The following RASAL2 variants were observed in gnomAD, a reference collection of about 807,000 sequenced individuals.
The protein encoded by RASAL2 is ras GTPase-activating protein nGAP.
In RASAL2, 58 loss-of-function variants were observed where a neutral mutation model predicts 128.9. The observed-to-expected ratio is 0.45, with a 90% CI of 0.36 to 0.56. RASAL2 has a LOEUF of 0.56. RASAL2 is among the 20% of genes least tolerant of loss of function. The pLI, the probability that RASAL2 is intolerant of heterozygous loss-of-function variation, is 0.00. For synonymous variants in RASAL2, 561 were observed against 580.8 expected, an observed-to-expected ratio of 0.97 and a Z score of 0.49; for missense variants, 1,360 against 1,601.6, an observed-to-expected ratio of 0.85 and a Z score of 2.57.
intron 6 of RASAL2, 106 bp from the exon 7 acceptor site, chr1:178,441,443 C>A: frequency 1.4e-6 from 1 of 724,342 alleles, no homozygotes; most frequent in Non-Finnish European, 2.4e-6. Context: ...AATTCCAGGA[C>A]ATTTCGACCT....
At chr1:178,472,653 C>T (rs1648380542) in intron 17 of RASAL2, among the ~76,000 whole-genome samples, 1 of 152,202 alleles carries the variant, frequency 6.6e-6, no homozygotes, top group Admixed American at 6.5e-5. Context: ...CCATAGATCA[C>T]ATGCTCTTCT....
chr1:178,270,650 A>G (rs1340094575), intron 1 of RASAL2, among the ~76,000 whole-genome samples: 1 of 120,354 alleles, frequency 8.3e-6, no homozygotes, highest in South Asian at 2.5e-4. Flanking sequence ...TTATGTCTAT[A>G]TTCTTCTGCT....
intron 1 of RASAL2, among the ~76,000 whole-genome samples, chr1:178,122,605 A>T (rs1239443978): frequency 1.3e-5 from 2 of 152,218 alleles, no homozygotes; most frequent in Non-Finnish European, 2.9e-5. Context: ...TCATGAACTG[A>T]CTGTACTATT....
rs771396519 is a variant in RASAL2 at position 178,452,604 on chromosome 1, C to T, written c.1961C>T (p.Thr654Ile). 3.1e-6 allele frequency: 5 copies of T among 1,613,926 alleles called. No individual in the cohort carries two copies. The highest frequency in any genetic ancestry group is 3.3e-5 in the Admixed American group (2 of 59,998). The change falls in exon 11 of 18, where the codon ACT becomes ATT. Residue 654 changes from threonine (T) to isoleucine (I), a missense_variant. Coordinates refer to ENST00000367649, the MANE Select transcript of RASAL2 (RefSeq NM_170692.4). ...TATCCTGATGACCGCACATCTCGGA[C>T]TCTAACTCTTATTGCCAAGGTCATT... ...QEYPDDRTSRTLTLIAKVIQN... is the reference protein window; with the variant it reads ...QEYPDDRTSRILTLIAKVIQN...
At chr1:178,372,470 T>G in intron 3 of RASAL2, 1 of 589,118 alleles carries the variant, frequency 1.7e-6, no homozygotes, top group Non-Finnish European at 2.1e-6. Flanking sequence ...CGTTTGCTTT[T>G]CAAATTTTGT....
In RASAL2 at chr1:178,224,788, A is replaced by C. The variant is rs1310700427; in HGVS notation, c.203-58776A>C. Among the ~76,000 whole-genome samples the C allele has an allele frequency of 2.0e-5, 3 of 152,292 alleles. No individual in the cohort carries two copies. The South Asian group carries it at 6.2e-4, about 32-fold the overall frequency. ...ATAAAATAGGAAGTGACAACAGACT[A>C]TGTCTAAGCTGAGAAAGCTCATGTT... On this transcript the variant is annotated intron_variant, in intron 1 of 17. Transcript: ENST00000367649.
At chr1:178,435,984 A>G (rs1411428644) in intron 5 of RASAL2, among the ~76,000 whole-genome samples, 1 of 152,092 alleles carries the variant, frequency 6.6e-6, no homozygotes, top group East Asian at 1.9e-4. Flanking sequence ...CTGTTAGAGG[A>G]GTAAACTCTG....
chr1:178,295,199 C>G (rs1411726472), intron 2 of RASAL2, among the ~76,000 whole-genome samples: 1 of 150,136 alleles, frequency 6.7e-6, no homozygotes, highest in Non-Finnish European at 1.5e-5. Flanking sequence ...CTTTGCATGT[C>G]TAGAATGTCT....
At chr1:178,469,675 T>C (rs531796306) in intron 17 of RASAL2, among the ~76,000 whole-genome samples, 43 of 152,300 alleles carry the variant, frequency 2.8e-4, no homozygotes, top group African/African-American at 1.0e-3. Context: ...GGTTTTGAAA[T>C]GGTTTGGTTC....
chr1:178,320,783 G>A (rs1370147786), intron 3 of RASAL2, among the ~76,000 whole-genome samples: 5 of 152,140 alleles, frequency 3.3e-5, no homozygotes, highest in Non-Finnish European at 5.9e-5. Context: ...GCTGTAGACC[G>A]GAGCTGTTCC....
At chr1:178,116,278 G>A (rs558654669) in intron 1 of RASAL2, among the ~76,000 whole-genome samples, 72 of 152,020 alleles carry the variant, frequency 4.7e-4, no homozygotes, top group African/African-American at 1.7e-3. Flanking sequence ...CTTTATTGTA[G>A]TAGAAACTGC....
rs758512673 is a variant in RASAL2 at position 178,420,601 on chromosome 1, C to T, written c.655C>T (p.Leu219Phe). The T allele has an allele frequency of 3.1e-6, 5 of 1,608,652 alleles. No individual in the cohort carries two copies. In the African/African-American group the frequency reaches 4.0e-5, roughly 13 times the overall value. ...DRNTSFRLPS[L>F]RSTDDRSRGL... ...AAACACGAGCTTTCGGCTTCCATCC[C>T]TTCGCAGTACAGATGACAGGTAGGA... Residue 219 changes from leucine (L) to phenylalanine (F), a missense_variant, in exon 5 of 18, where the codon CTT becomes TTT. Transcript: ENST00000367649.
chr1:178,238,265 A>G (rs1431391051), intron 1 of RASAL2, among the ~76,000 whole-genome samples: 3 of 152,030 alleles, frequency 2.0e-5, no homozygotes, highest in Non-Finnish European at 4.4e-5. Context: ...TCTTTTTATC[A>G]CTGACTTTCT....
At chr1:178,101,325 C>T (rs951403164) in intron 1 of RASAL2, among the ~76,000 whole-genome samples, 2 of 152,108 alleles carry the variant, frequency 1.3e-5, no homozygotes, top group African/African-American at 4.8e-5. Context: ...TTTTACCTTC[C>T]CTTACCAGGT....
At chr1:178,224,745 G>T (rs960469483) in intron 1 of RASAL2, among the ~76,000 whole-genome samples, 2 of 152,036 alleles carry the variant, frequency 1.3e-5, no homozygotes, top group African/African-American at 4.8e-5. Context: ...TAGAATATTC[G>T]TATAGAAAAG....
chr1:178,366,826 C>A (rs1671429290), intron 3 of RASAL2, among the ~76,000 whole-genome samples: 1 of 152,032 alleles, frequency 6.6e-6, no homozygotes, highest in South Asian at 2.1e-4. Flanking sequence ...TAAAAGACCA[C>A]ATATTATATG....
intron 1 of RASAL2, among the ~76,000 whole-genome samples, chr1:178,110,618 ACAC>A (rs1659274451): frequency 7.5e-6 from 1 of 132,578 alleles, no homozygotes; most frequent in Non-Finnish European, 1.6e-5. Flanking sequence ...TACACTATAT[ACAC>A]TATATATAGT....
chr1:178,162,012 T>G (rs941290007), intron 1 of RASAL2, among the ~76,000 whole-genome samples: 3 of 150,892 alleles, frequency 2.0e-5, no homozygotes, highest in Admixed American at 2.0e-4. Context: ...TCTGCCAGGC[T>G]GGAGTGCAGT....
chr1:178,144,946 G>A (rs567441760), intron 1 of RASAL2, among the ~76,000 whole-genome samples: 1 of 152,138 alleles, frequency 6.6e-6, no homozygotes, highest in South Asian at 2.1e-4. Context: ...CTATTATTTA[G>A]TATCCTTTTG....
Sources: gnomAD v4.1 joint callset for allele counts (sites outside exome capture counted in the v4.1 genomes callset) on GRCh38, gnomAD v4.1.1 for gene constraint, MANE v1.5 for transcripts, NCBI Gene and HGNC (gene_info 2026-07-23, HGNC 2026-07-21) for gene names.